The following ALDH7A1 variants were observed in gnomAD, a reference collection of about 807,000 sequenced individuals.
ALDH7A1 encodes alpha-aminoadipic semialdehyde dehydrogenase.
In ALDH7A1, 63 loss-of-function variants were observed where a neutral mutation model predicts 79.9. The observed-to-expected ratio is 0.79, with a 90% confidence interval of 0.64 to 0.97. ALDH7A1 has a LOEUF of 0.97. Among genes scored for constraint, ALDH7A1 ranks in the 50% least tolerant of loss-of-function variants. The pLI, the probability that ALDH7A1 is intolerant of heterozygous loss-of-function variation, is 0.00. For missense variants in ALDH7A1, 627 were observed against 665.2 expected (o/e 0.94, Z 0.63); for synonymous variants, 240 against 231.2 (o/e 1.04, Z -0.34).
intron 3 of ALDH7A1, chr5:126,589,004 C>A (rs1751452342): frequency 1.3e-5 from 2 of 151,466 alleles, no homozygotes; most frequent in Admixed American, 1.3e-4. Flanking sequence ...GAGCTGTGAG[C>A]ATGCCACTGT....
chr5:126,571,848 C>T (rs1248623925), intron 7 of ALDH7A1, among the ~76,000 whole-genome samples: 2 of 152,044 alleles, frequency 1.3e-5, no homozygotes, highest in Non-Finnish European at 2.9e-5. Context: ...AAGTAAATGC[C>T]ACAGACACAA....
intron 6 of ALDH7A1, 86 bp downstream of exon 6, chr5:126,576,993 C>T: frequency 5.1e-6 from 8 of 1,555,640 alleles, no homozygotes; most frequent in Non-Finnish European, 6.2e-6. Context: ...CTTATAATCC[C>T]AGTTACTGAA....
chr5:126,563,209 C>T (rs1561656594), intron 9 of ALDH7A1, among the ~76,000 whole-genome samples: 1 of 152,172 alleles, frequency 6.6e-6, no homozygotes, highest in Non-Finnish European at 1.5e-5. Flanking sequence ...TCTCTACTTA[C>T]AATTTGATAG....
At chr5:126,554,647 TG>T in intron 12 of ALDH7A1, 1 of 501,464 alleles carries the variant, frequency 2.0e-6, no homozygotes, top group South Asian at 2.0e-5. Flanking sequence ...TGCAAATGAG[TG>T]GGTATGTGCC....
At chr5:126,571,908 G>T (rs889278311) in intron 7 of ALDH7A1, among the ~76,000 whole-genome samples, 1 of 152,204 alleles carries the variant, frequency 6.6e-6, no homozygotes, top group African/African-American at 2.4e-5. Flanking sequence ...CTTGAGGCTA[G>T]TTCCCACCAA....
chr5:126,550,806 A>G (rs1192748966), intron 14 of ALDH7A1, among the ~76,000 whole-genome samples: 1 of 152,246 alleles, frequency 6.6e-6, no homozygotes, highest in African/African-American at 2.4e-5. Flanking sequence ...TAAAGCAAGA[A>G]ATAAAGAAGC....
chr5:126,590,583 CA>C (rs1751521281), intron 3 of ALDH7A1, among the ~76,000 whole-genome samples: 1 of 151,836 alleles, frequency 6.6e-6, no homozygotes, highest in Admixed American at 6.6e-5. Context: ...AGGAAAACAA[CA>C]ATTTAAAAAA....
At chr5:126,559,795 C>T (rs750302424) in intron 10 of ALDH7A1, among the ~76,000 whole-genome samples, 5 of 151,920 alleles carry the variant, frequency 3.3e-5, no homozygotes, top group Non-Finnish European at 5.9e-5. Flanking sequence ...ACCATATGCA[C>T]GTTACGAAGA....
rs1581362609 is a variant in ALDH7A1 at position 126,554,401 on chromosome 5, G to A, written c.1094-8C>T. ...GCCCATAGAGAACATTAGCTGGAGA[G>A]AGAAAAGGAAGGCTGGCTCATCATT... On this transcript the variant is annotated splice_region_variant and splice_polypyrimidine_tract_variant and intron_variant, in intron 12 of 17. Transcript: ENST00000409134. 6.2e-7 allele frequency: 1 copy of A among 1,612,860 alleles called. No individual in the cohort carries two copies. Among genetic ancestry groups the A allele is most frequent in the South Asian group, 1.1e-5 (1 of 91,054 alleles).
chr5:126,581,770 G>A (rs1751183799), intron 5 of ALDH7A1: 1 of 174,204 alleles, frequency 5.7e-6, no homozygotes, highest in African/African-American at 2.4e-5. Context: ...ATGAGGTGAG[G>A]AGTTCAAGAG....
intron 7 of ALDH7A1, among the ~76,000 whole-genome samples, chr5:126,574,807 C>T (rs758762360): frequency 2.0e-5 from 3 of 152,104 alleles, no homozygotes; most frequent in South Asian, 2.1e-4. Context: ...CAGATGCAAC[C>T]AATGGAACAT....
intron 3 of ALDH7A1, among the ~76,000 whole-genome samples, chr5:126,591,772 T>C (rs1180764662): frequency 1.3e-5 from 2 of 152,060 alleles, no homozygotes; most frequent in Non-Finnish European, 2.9e-5. Flanking sequence ...GACAAGTCAG[T>C]GTGGCCAGCC....
At chr5:126,570,330 T>G (rs1750730980) in intron 8 of ALDH7A1, 1 of 198,226 alleles carries the variant, frequency 5.0e-6, no homozygotes, top group Non-Finnish European at 1.0e-5. Context: ...ATATGGCAAT[T>G]AAAAAAGAAA....
rs759331064 is a variant in ALDH7A1 at position 126,561,078 on chromosome 5, C to T, written c.913+5G>A. On this transcript the variant is annotated splice_donor_5th_base_variant and intron_variant, in intron 10 of 17. Coordinates refer to ENST00000409134, the MANE Select transcript of ALDH7A1 (RefSeq NM_001182.5). ...AAACAAACAAAAACAAAGAGGCAGC[C>T]TTACCAATAATGGCATTGTTTCCTC... 5.0e-6 allele frequency: 8 copies of T among 1,613,236 alleles called. No individual in the cohort carries two copies. Among genetic ancestry groups the T allele is most frequent in the Non-Finnish European group, 5.9e-6 (7 of 1,179,652 alleles).
intron 9 of ALDH7A1, among the ~76,000 whole-genome samples, chr5:126,567,630 C>T (rs1002337733): frequency 3.3e-5 from 5 of 151,218 alleles, no homozygotes; most frequent in Admixed American, 3.3e-4. Context: ...CATGCCACCA[C>T]GCCCGGCTAC....
At chr5:126,560,839 C>T (rs924014541) in intron 10 of ALDH7A1, among the ~76,000 whole-genome samples, 3 of 152,206 alleles carry the variant, frequency 2.0e-5, no homozygotes, top group Non-Finnish European at 4.4e-5. Flanking sequence ...ATGGAAGTCT[C>T]ATTCACAGGT....
At chr5:126,589,093 G>A (rs766674687) in intron 3 of ALDH7A1, 14 of 151,942 alleles carry the variant, frequency 9.2e-5, no homozygotes, top group Non-Finnish European at 1.5e-4. Flanking sequence ...GGAGTAATGG[G>A]AATTCTGTAC....
Position 126,593,435 on chromosome 5 carries a change from G to A in ALDH7A1, c.193-31C>T. On this transcript the variant is annotated intron_variant, in intron 1 of 17. Transcript: ENST00000409134. ...AACAAAAGGATGATGATCATGTATAGAAAACGTAATCCCTTTTGAAGTAAG... is the reference window on the plus strand; with the variant it reads ...AACAAAAGGATGATGATCATGTATAAAAAACGTAATCCCTTTTGAAGTAAG... The A allele has an allele frequency of 4.3e-6, 7 of 1,613,570 alleles. No homozygotes were observed. The South Asian group carries it at 7.7e-5, about 18-fold the overall frequency.
chr5:126,568,435 AGT>A, intron 8 of ALDH7A1, 79 bp from the exon 9 acceptor site: 1 of 1,202,108 alleles, frequency 8.3e-7, no homozygotes, highest in Non-Finnish European at 1.2e-6. Flanking sequence ...CCAGCACTGA[AGT>A]GCCCTTGAAA....
Sources: allele counts gnomAD v4.1 joint callset (sites outside exome capture counted in the v4.1 genomes callset), GRCh38; gene constraint gnomAD v4.1.1; transcripts MANE v1.5; gene names NCBI Gene and HGNC (gene_info 2026-07-23, HGNC 2026-07-21).